Variants in WNT5B observed in about 807,000 individuals in gnomAD.
WNT5B encodes Wnt family member 5B, also known as protein Wnt-5b.
A neutral mutation model predicts 36.5 loss-of-function variants in WNT5B; 18 were observed. That is an observed-to-expected ratio of 0.49 (90% CI 0.34 to 0.73). The LOEUF (loss-of-function observed/expected upper bound fraction) is 0.73. Among genes scored for constraint, WNT5B ranks in the 30% least tolerant of loss-of-function variants. The pLI, the probability that WNT5B is intolerant of heterozygous loss-of-function variation, is 0.01. For missense variants in WNT5B, 424 were observed against 508.4 expected (o/e 0.83, Z 1.60); for synonymous variants, 213 against 212.3 (o/e 1.00, Z -0.03).
At chr12:1,631,536 C>G in intron 2 of WNT5B, 102 bp downstream of exon 2, 1 of 1,563,708 alleles carries the variant, frequency 6.4e-7, no homozygotes, top group Non-Finnish European at 8.7e-7. Context: ...TACCTTGATT[C>G]CTGGGAGTAC....
In WNT5B at chr12:1,633,443, G is replaced by A. The variant is rs2094554782; in HGVS notation, c.328+538G>A. 6.6e-6 allele frequency among the ~76,000 whole-genome samples: 1 copy of A among 152,182 alleles called. No homozygotes were observed. The highest frequency in any genetic ancestry group is 1.5e-5 in the Non-Finnish European group (1 of 68,028). On this transcript the variant is annotated intron_variant, in intron 3 of 4. Coordinates refer to ENST00000397196, the MANE Select transcript of WNT5B (RefSeq NM_032642.3). This position sits in a 1 kb window ranked among gnomAD's most constrained non-coding sequence, Gnocchi z 4.8. ...GCTTTTTCTTTTGAAAGAGATGTGT[G>A]AACATGGGGGAAGGGGTCAGACGAA...
upstream of WNT5B, among the ~76,000 whole-genome samples, chr12:1,626,388 C>T (rs138610311): frequency 0.01 from 1,527 of 150,688 alleles, 25 homozygotes; most frequent in African/African-American, 0.036. Context: ...CTCAGCCTCC[C>T]GAGTAGCTGG....
intron 4 of WNT5B, among the ~76,000 whole-genome samples, chr12:1,642,191 C>T (rs370859473): frequency 2.0e-5 from 3 of 152,172 alleles, no homozygotes; most frequent in Non-Finnish European, 2.9e-5. Context: ...TGGAGCCACC[C>T]GGTCTCTCAG....
chr12:1,629,990 T>C (rs557472436), intron 1 of WNT5B: 2 of 349,778 alleles, frequency 5.7e-6, no homozygotes, highest in South Asian at 2.3e-4. Flanking sequence ...TGCCTGTTGG[T>C]GCCCCCGCCC....
rs1024097747 is a variant in WNT5B at position 1,633,649 on chromosome 12, G to A, written c.328+744G>A. ...TCTCTGGCAAGAAATTGAGAAATCC[G>A]GCCCTATTCTACTGGGTCTTATCCC... is the stretch of plus-strand genomic sequence containing the variant. On this transcript the variant is annotated intron_variant, in intron 3 of 4. Coordinates refer to ENST00000397196, the MANE Select transcript of WNT5B (RefSeq NM_032642.3). This position sits in a 1 kb window ranked among gnomAD's most constrained non-coding sequence, Gnocchi z 4.8. 3.9e-5 allele frequency among the ~76,000 whole-genome samples: 6 copies of A among 152,096 alleles called. No homozygotes were observed. The highest frequency in any genetic ancestry group is 1.2e-4 in the African/African-American group (5 of 41,392).
intron 1 of WNT5B, among the ~76,000 whole-genome samples, chr12:1,623,409 A>G (rs1384314207): frequency 6.6e-6 from 1 of 151,366 alleles, no homozygotes; most frequent in African/African-American, 2.4e-5. Flanking sequence ...GTTAGCCAGG[A>G]TGGTCTCCAT....
Position 1,646,081 on chromosome 12 carries a change from C to T in WNT5B, c.909C>T (p.Leu303=), listed in dbSNP as rs1418519182. The change falls in exon 5 of 5, where the codon CTC becomes CTT. Residue 303 remains leucine, a synonymous_variant. Transcript: ENST00000397196. ...GCTCCCTGGGCACGCAGGGCCGCCTCTGCAACAAGACCTCGGAGGGCATGG... is the reference window on the plus strand; with the variant it reads ...GCTCCCTGGGCACGCAGGGCCGCCTTTGCAACAAGACCTCGGAGGGCATGG... ...STGSLGTQGR[L]CNKTSEGMDG... is the part of the protein sequence containing the mutation. 1.2e-6 allele frequency: 2 copies of T among 1,613,954 alleles called. No homozygotes were observed. Among genetic ancestry groups the T allele is most frequent in the Non-Finnish European group, 1.7e-6 (2 of 1,180,040 alleles).
intron 4 of WNT5B, among the ~76,000 whole-genome samples, chr12:1,640,560 C>T (rs910662709): frequency 6.6e-6 from 1 of 152,200 alleles, no homozygotes; most frequent in African/African-American, 2.4e-5. Flanking sequence ...AACAGCCTCC[C>T]CAGTCTCATG....
chr12:1,626,265 G>T (rs2094540838), upstream of WNT5B, among the ~76,000 whole-genome samples: 1 of 146,546 alleles, frequency 6.8e-6, no homozygotes, highest in South Asian at 2.2e-4. Flanking sequence ...GGCCACAAGT[G>T]TATTTTTTTT....
At position 1,633,824 on chromosome 12, in the gene WNT5B, T is replaced by TC. The variant is rs2094555513; in HGVS notation, c.328+920dup. The stretch of plus-strand genomic sequence containing the variant: ...GGGAGTTGGGGAGGTAGAGATTTCT[T>TC]CGTGCTCCTCTCTTAGGGAGGATAC... On this transcript the variant is annotated intron_variant, in intron 3 of 4. Coordinates refer to ENST00000397196, the MANE Select transcript of WNT5B (RefSeq NM_032642.3). This position sits in a 1 kb window ranked among gnomAD's most constrained non-coding sequence, Gnocchi z 4.8. Among the ~76,000 whole-genome samples the TC allele has an allele frequency of 6.6e-6, 1 of 152,168 alleles. No individual in the cohort carries two copies. The highest frequency in any genetic ancestry group is 1.5e-5 in the Non-Finnish European group (1 of 68,020).
At chr12:1,638,897 C>CTCA (rs1344766054) in intron 3 of WNT5B, among the ~76,000 whole-genome samples, 1 of 152,210 alleles carries the variant, frequency 6.6e-6, no homozygotes, top group Non-Finnish European at 1.5e-5. Context: ...AGATGTGCAG[C>CTCA]TCATAGAGCG....
rs533481378 is a variant in WNT5B at position 1,639,148 on chromosome 12, T to G, written c.329-536T>G. ...ACTTGTTTTTTTGTGTTTTTTTTTC[T>G]TTTTTTTGAGACAGAGTCTCACTCT... On this transcript the variant is annotated intron_variant, in intron 3 of 4. Transcript: ENST00000397196. Among the ~76,000 whole-genome samples the G allele has an allele frequency of 2.0e-5, 3 of 151,808 alleles. No homozygotes were observed. The South Asian group carries it at 6.3e-4, about 32-fold the overall frequency.
chr12:1,622,584 G>A (rs1414305074), intron 1 of WNT5B, among the ~76,000 whole-genome samples: 1 of 152,220 alleles, frequency 6.6e-6, no homozygotes, highest in Non-Finnish European at 1.5e-5. Context: ...TTGTATGGAA[G>A]TCGAAGGGAC....
At chr12:1,641,889 C>G (rs901062259) in intron 4 of WNT5B, among the ~76,000 whole-genome samples, 1 of 152,204 alleles carries the variant, frequency 6.6e-6, no homozygotes, top group African/African-American at 2.4e-5. Flanking sequence ...TGTCTTTTGT[C>G]TGAATGGGGA....
At chr12:1,634,546 C>T (rs961623327) in intron 3 of WNT5B, among the ~76,000 whole-genome samples, 6 of 152,150 alleles carry the variant, frequency 3.9e-5, no homozygotes, top group Admixed American at 1.3e-4. Flanking sequence ...CAAACCCTGT[C>T]GAAGAGAGCC....
At position 1,639,966 on chromosome 12, in the gene WNT5B, C is replaced by T. The variant is rs1469472968; in HGVS notation, c.611C>T (p.Ala204Val). 1 of 1,612,088 alleles carries T rather than the reference C, an allele frequency of 6.2e-7. No individual in the cohort carries two copies. ...RVLMNLQNNE[A>V]GRRAVYKMAD... The stretch of plus-strand genomic sequence containing the variant: ...CTCATGAACCTGCAAAACAACGAGG[C>T]CGGTCGCAGGGTAAGCTGGGCCTCC... The change falls in exon 4 of 5, where the codon GCC (alanine) becomes GTC (valine). Residue 204 changes from alanine to valine, a missense_variant. Coordinates refer to ENST00000397196, the MANE Select transcript of WNT5B (RefSeq NM_032642.3).
At chr12:1,619,554 C>A (rs779990235) in intron 1 of WNT5B, among the ~76,000 whole-genome samples, 3 of 152,048 alleles carry the variant, frequency 2.0e-5, no homozygotes, top group Non-Finnish European at 4.4e-5. Flanking sequence ...TCTTTGGTTA[C>A]TACTTTTTAA....
At position 1,647,192 on chromosome 12, in the gene WNT5B, A is replaced by T. The variant is rs891688883; in HGVS notation, c.*940A>T. 9 of 152,254 alleles carry T rather than the reference A, an allele frequency of 5.9e-5. No homozygotes were observed. Among genetic ancestry groups the T allele is most frequent in the African/African-American group, 1.4e-4 (6 of 41,440 alleles). 9.4% of individuals were successfully genotyped at this position (152,254 alleles called of 1,614,324 possible). On this transcript the variant is annotated 3_prime_UTR_variant, in exon 5 of 5. Transcript: ENST00000397196. ...GCCCCAGGTGTACGGTTTCTCTCTG[A>T]CATTAAATGCCCTTCATGGAGGTTT...
At chr12:1,624,070 G>A (rs767690537) in intron 1 of WNT5B, among the ~76,000 whole-genome samples, 1 of 152,154 alleles carries the variant, frequency 6.6e-6, no homozygotes, top group Admixed American at 6.5e-5. Flanking sequence ...CGCAGCCGTA[G>A]TAACAGGGCA....
Sources: allele counts gnomAD v4.1 joint callset (sites outside exome capture counted in the v4.1 genomes callset), GRCh38; gene constraint gnomAD v4.1.1; non-coding constraint Gnocchi (gnomAD v3.1); transcripts MANE v1.5; gene names NCBI Gene and HGNC (gene_info 2026-07-23, HGNC 2026-07-21).